FRMD4A: variants seen among roughly 807,000 people sequenced by gnomAD.
The protein encoded by FRMD4A is FERM domain containing 4A, also known as FERM domain-containing protein 4A.
A neutral mutation model predicts 129.1 loss-of-function variants in FRMD4A; 29 were observed. The ratio of observed to expected loss-of-function variants is 0.22; its 90% CI spans 0.17 to 0.31. The LOEUF is 0.31. Among genes scored for constraint, FRMD4A ranks in the 10% least tolerant of loss-of-function variants. The pLI is 1.00. For missense variants in FRMD4A, 1,272 were observed against 1,375.8 expected (o/e 0.92, Z 1.19); for synonymous variants, 634 against 571.6 (o/e 1.11, Z -1.56).
rs147549252 is a variant in FRMD4A at position 13,659,400 on chromosome 10, C to T, written c.1989G>A (p.Pro663=). 2.7e-5 allele frequency: 43 copies of T among 1,613,928 alleles called. No homozygotes were observed. The highest frequency in any genetic ancestry group is 3.2e-5 in the Non-Finnish European group (38 of 1,179,956). ...GCATGCTGGACTGGGAGTTCCAGTG[C>T]GGGAGGCCGCGGATGGGGCTGTTCT... The part of the protein sequence containing the change: ...SLQNSPIRGL[P]HWNSQSSMPS... The change falls in exon 21 of 25, where the codon CCG becomes CCA. Residue 663 remains proline (P), a synonymous_variant. Transcript: ENST00000357447.
At chr10:14,054,960 T>G (rs1834439196) in intron 2 of FRMD4A, among the ~76,000 whole-genome samples, 1 of 152,208 alleles carries the variant, frequency 6.6e-6, no homozygotes, top group African/African-American at 2.4e-5. Flanking sequence ...GTGAGTCCAT[T>G]AAACCTCTCT....
intron 2 of FRMD4A, among the ~76,000 whole-genome samples, chr10:14,147,102 T>C (rs935305796): frequency 6.6e-6 from 1 of 152,236 alleles, no homozygotes; most frequent in African/African-American, 2.4e-5. Context: ...GCCTGGATCT[T>C]GCAGATTTGG....
chr10:13,685,329 G>A (rs771104912), intron 15 of FRMD4A: 18 of 982,676 alleles, frequency 1.8e-5, no homozygotes, highest in Non-Finnish European at 2.2e-5. Flanking sequence ...ACTGGCACTC[G>A]GTGAAGAGTG....
At position 13,654,078 on chromosome 10, in the gene FRMD4A, T is replaced by TA. The variant is rs542218391; in HGVS notation, c.3050+337_3050+338insT. The TA allele has an allele frequency of 3.8e-3, 1,722 of 452,204 alleles. 8 individuals carry two copies. The highest frequency in any genetic ancestry group is 5.6e-3 in the Non-Finnish European group (1,444 of 258,710). 28.0% of individuals were successfully genotyped at this position (452,204 alleles called of 1,614,324 possible). ...CTCCCCCTGACATTCTTGCCTGGCA[T>TA]TTTGAGTCAGCCTGAGTATAATCCA... On this transcript the variant is annotated intron_variant, in intron 23 of 24. Coordinates refer to ENST00000357447, the MANE Select transcript of FRMD4A (RefSeq NM_018027.5).
chr10:14,072,365 G>A (rs138160295), intron 2 of FRMD4A, among the ~76,000 whole-genome samples: 98 of 152,286 alleles, frequency 6.4e-4, no homozygotes, highest in African/African-American at 2.2e-3. Context: ...AATAACAACC[G>A]TGGCTATACC....
At chr10:13,896,987 A>T (rs1300073433) in intron 2 of FRMD4A, among the ~76,000 whole-genome samples, 1 of 152,242 alleles carries the variant, frequency 6.6e-6, no homozygotes, top group African/African-American at 2.4e-5. Context: ...TACCTAGAAA[A>T]ATTCAAGGAA....
chr10:13,728,770 T>C (rs182032815), intron 12 of FRMD4A, among the ~76,000 whole-genome samples: 1,580 of 151,818 alleles, frequency 0.01, 35 homozygotes, highest in African/African-American at 0.035. Flanking sequence ...CGGGGTTTTA[T>C]CACGTTGGCC....
chr10:13,793,091 T>C (rs2130814733), intron 5 of FRMD4A, among the ~76,000 whole-genome samples: 1 of 152,282 alleles, frequency 6.6e-6, no homozygotes, highest in South Asian at 2.1e-4. Context: ...TACTCAGCCA[T>C]GCAGTGTTAG....
chr10:13,928,958 C>T (rs1437732710), intron 2 of FRMD4A, among the ~76,000 whole-genome samples: 3 of 152,222 alleles, frequency 2.0e-5, no homozygotes. Context: ...CCAGTTTGTT[C>T]CAAACATGCT....
At chr10:14,028,789 C>T (rs1448075495) in intron 2 of FRMD4A, among the ~76,000 whole-genome samples, 1 of 152,136 alleles carries the variant, frequency 6.6e-6, no homozygotes, top group Non-Finnish European at 1.5e-5. Context: ...GGATTTGCAG[C>T]ACTAAGTGGC....
intron 2 of FRMD4A, among the ~76,000 whole-genome samples, chr10:14,210,656 C>T (rs1399126684): frequency 6.6e-6 from 1 of 152,152 alleles, no homozygotes; most frequent in African/African-American, 2.4e-5. Flanking sequence ...AGGAGTCAGT[C>T]GTAAGCATCT....
intron 5 of FRMD4A, among the ~76,000 whole-genome samples, chr10:13,790,135 G>A (rs2130805367): frequency 6.6e-6 from 1 of 151,240 alleles, no homozygotes; most frequent in Admixed American, 6.6e-5. Context: ...TAGTGACTGA[G>A]GGAACAGGAG....
rs56952909 is a variant in FRMD4A, at chr10:13,714,035, T to TAAAATATATA, written c.760-6923_760-6922insTATATATTTT. Among the ~76,000 whole-genome samples, 16 of 46,522 alleles carry TAAAATATATA rather than the reference T, an allele frequency of 3.4e-4. No individual in the cohort carries two copies. The East Asian group carries it at 5.7e-3, about 17-fold the overall frequency. The allele number at this position is 46,522 out of a possible 152,430, so 30.5% of individuals were successfully genotyped here. A position where few individuals can be genotyped will look rare whatever the true frequency, so the allele number is the denominator to read the frequency against. On this transcript the variant is annotated intron_variant, in intron 12 of 24. Transcript: ENST00000357447. ...TACATATATAAAATATACATATATA[T>TAAAATATATA]ATATATATATATATATATATATATA...
chr10:13,873,544 T>C (rs1206267370), intron 2 of FRMD4A, among the ~76,000 whole-genome samples: 3 of 152,218 alleles, frequency 2.0e-5, no homozygotes, highest in African/African-American at 7.2e-5. Context: ...TTTATTTATT[T>C]AAATTAGTTA....
chr10:14,117,010 G>C (rs888325363), intron 2 of FRMD4A, among the ~76,000 whole-genome samples: 1 of 152,242 alleles, frequency 6.6e-6, no homozygotes, highest in African/African-American at 2.4e-5. Context: ...AGGGCCCAGG[G>C]CTATGCATTG....
At chr10:14,076,243 G>A (rs1361633218) in intron 2 of FRMD4A, among the ~76,000 whole-genome samples, 1 of 152,124 alleles carries the variant, frequency 6.6e-6, no homozygotes, top group African/African-American at 2.4e-5. Context: ...CCAAAGACTT[G>A]GGATTTTTCC....
intron 9 of FRMD4A, among the ~76,000 whole-genome samples, chr10:13,745,805 C>A (rs2091259683): frequency 6.6e-6 from 1 of 152,152 alleles, no homozygotes; most frequent in Non-Finnish European, 1.5e-5. Context: ...CTTCTCACAT[C>A]CCCAGGGCCT....
At position 13,943,687 on chromosome 10, in the gene FRMD4A, A is replaced by AAAAG. The variant is rs955657163; in HGVS notation, c.46-84779_46-84776dup. 5.4e-5 allele frequency among the ~76,000 whole-genome samples: 8 copies of AAAAG among 148,414 alleles called. No individual in the cohort carries two copies. In the East Asian group the frequency reaches 5.9e-4, roughly 11 times the overall value. On this transcript the variant is annotated intron_variant, in intron 2 of 24. Coordinates refer to ENST00000357447, the MANE Select transcript of FRMD4A (RefSeq NM_018027.5). ...AAAAAAAAAAAAAAAAAAGAAAAAG[A>AAAAG]AAAGAAAGAAAGAAAGAAAGAAAAG... is the stretch of plus-strand genomic sequence containing the variant.
intron 6 of FRMD4A, among the ~76,000 whole-genome samples, chr10:13,770,219 G>T (rs1191033027): frequency 6.6e-6 from 1 of 152,026 alleles, no homozygotes; most frequent in East Asian, 1.9e-4. Flanking sequence ...AGACTGATGC[G>T]ATCTCGCACA....
Sources: allele counts gnomAD v4.1 joint callset (sites outside exome capture counted in the v4.1 genomes callset), GRCh38; gene constraint gnomAD v4.1.1; transcripts MANE v1.5; gene names NCBI Gene and HGNC (gene_info 2026-07-23, HGNC 2026-07-21).